The following ZNF846 variants were observed in gnomAD, a reference collection of about 807,000 sequenced individuals.
ZNF846 encodes the protein zinc finger protein 846.
In ZNF846, 15 loss-of-function variants were observed where a neutral mutation model predicts 16.0. The observed-to-expected ratio is 0.94, with a 90% confidence interval of 0.63 to 1.45. The LOEUF (loss-of-function observed/expected upper bound fraction) is 1.45, where lower values mean the gene tolerates loss of function less well. Ranked by LOEUF, ZNF846 falls within the 40% of genes most tolerant of loss-of-function variation. The pLI is 0.00. For synonymous variants in ZNF846, 229 were observed against 212.0 expected (o/e 1.08, Z -0.70); for missense variants, 714 against 622.3 (o/e 1.15, Z -1.57).
intron 1 of ZNF846, among the ~76,000 whole-genome samples, chr19:9,785,451 C>T (rs1206706544): frequency 6.6e-6 from 1 of 151,964 alleles, no homozygotes; most frequent in Non-Finnish European, 1.5e-5. Flanking sequence ...CTGCGTCAGC[C>T]TCCCAGTCTG....
intron 1 of ZNF846, among the ~76,000 whole-genome samples, chr19:9,781,780 T>A (rs2045504196): frequency 6.6e-6 from 1 of 150,498 alleles, no homozygotes. Context: ...GCAAACAATT[T>A]TTTTTTTTTT....
chr19:9,770,826 G>A (rs138180555), upstream of ZNF846, among the ~76,000 whole-genome samples: 48 of 151,870 alleles, frequency 3.2e-4, no homozygotes, highest in East Asian at 5.4e-3. Flanking sequence ...CTGAGATGGC[G>A]CCACGGCACT....
downstream of ZNF846, among the ~76,000 whole-genome samples, chr19:9,751,073 T>G (rs1165049900): frequency 1.3e-5 from 2 of 152,160 alleles, no homozygotes; most frequent in Non-Finnish European, 2.9e-5. Flanking sequence ...CCTGGCTTCT[T>G]CCAATCGTTA....
chr19:9,758,189 G>A, exon 6 of ZNF846: 5 of 1,613,038 alleles, frequency 3.1e-6, no homozygotes, highest in Non-Finnish European at 4.2e-6. Flanking sequence ...GATCAGTAAG[G>A]TATGAAGAAT....
Position 9,759,942 on chromosome 19 carries a change from T to C in ZNF846, c.230A>G (p.Glu77Gly), listed in dbSNP as rs757171998. Reference sequence around the variant, plus strand: ...TTTGGTTTTGAGTTGCAAATCCAATTCTGAAATAAAGTGAAAAATGCAGCT... The same window carrying C: ...TTTGGTTTTGAGTTGCAAATCCAATCCTGAAATAAAGTGAAAAATGCAGCT... The change falls in exon 5 of 6, where the codon GAA (glutamate) becomes GGA (glycine). Residue 77 changes from glutamate to glycine, a missense_variant and splice_region_variant. Coordinates refer to ENST00000397902, the Ensembl canonical transcript of ZNF846. The C allele has an allele frequency of 5.5e-5, 88 of 1,611,366 alleles. No individual in the cohort carries two copies. Among genetic ancestry groups the C allele is most frequent in the Non-Finnish European group, 7.2e-5 (85 of 1,178,876 alleles).
chr19:9,764,968 C>T (rs759598623), exon 2 of ZNF846: 11 of 1,614,128 alleles, frequency 6.8e-6, no homozygotes, highest in Non-Finnish European at 9.3e-6. Flanking sequence ...CCATCAGTAA[C>T]CCAGCCACTA....
At chr19:9,772,729 C>T (rs2045399397), upstream of ZNF846, among the ~76,000 whole-genome samples, 3 of 151,932 alleles carry the variant, frequency 2.0e-5, no homozygotes, top group South Asian at 4.2e-4. Context: ...AATAACTATC[C>T]CCACATGAAA....
chr19:9,779,593 C>G (rs2045480349), intron 1 of ZNF846, among the ~76,000 whole-genome samples: 1 of 129,300 alleles, frequency 7.7e-6, no homozygotes, highest in Non-Finnish European at 1.7e-5. Context: ...TTTTTGAGGC[C>G]AAGTTTCACT....
intron 1 of ZNF846, among the ~76,000 whole-genome samples, chr19:9,778,543 G>A (rs1036219567): frequency 1.8e-4 from 28 of 152,114 alleles, no homozygotes; most frequent in Non-Finnish European, 3.4e-4. Context: ...TGTGGCTCAG[G>A]CCTATAATCC....
upstream of ZNF846, among the ~76,000 whole-genome samples, chr19:9,769,031 C>G (rs1414119345): frequency 6.6e-6 from 1 of 152,222 alleles, no homozygotes; most frequent in Non-Finnish European, 1.5e-5. Flanking sequence ...TCACCTAAGG[C>G]TTCGATTGCA....
intron 1 of ZNF846, among the ~76,000 whole-genome samples, chr19:9,785,143 C>G (rs1355639558): frequency 6.6e-6 from 1 of 152,100 alleles, no homozygotes; most frequent in Non-Finnish European, 1.5e-5. Flanking sequence ...TCACAATACC[C>G]CGGCCCCATC....
chr19:9,763,186 C>T (rs1368731590), intron 3 of ZNF846, 96 bp downstream of exon 3: 7 of 1,184,934 alleles, frequency 5.9e-6, no homozygotes, highest in Admixed American at 2.6e-5. Flanking sequence ...AAGGTCCATG[C>T]CTGTCTTGCT....
chr19:9,779,774 G>T (rs2045482227), intron 1 of ZNF846, among the ~76,000 whole-genome samples: 2 of 151,830 alleles, frequency 1.3e-5, no homozygotes, highest in African/African-American at 4.8e-5. Context: ...GTTTCACCAT[G>T]TTGGCCAGGC....
At chr19:9,757,459 A>C (rs749699505), downstream of ZNF846, 6 of 1,535,590 alleles carry the variant, frequency 3.9e-6, no homozygotes, top group Non-Finnish European at 3.5e-6. Flanking sequence ...GTAAATACTA[A>C]GATCTGAGGA....
rs1260579186 is a variant in ZNF846, at chr19:9,764,785, T to C, written c.15+151A>G. On this transcript the variant is annotated intron_variant, in intron 2 of 5. Transcript: ENST00000397902. ...ATTGCAATCTCTGTACAACCTGAGATGGCTTGGTTCCTAGAGAAATTCACC... is the reference window on the plus strand; with the variant it reads ...ATTGCAATCTCTGTACAACCTGAGACGGCTTGGTTCCTAGAGAAATTCACC... 8 of 881,576 alleles carry C rather than the reference T, an allele frequency of 9.1e-6. No homozygotes were observed. The African/African-American group carries it at 9.9e-5, about 11-fold the overall frequency. 54.6% of individuals were successfully genotyped at this position (881,576 alleles called of 1,614,324 possible). A position where few individuals can be genotyped will look rare whatever the true frequency, so the allele number is the denominator to read the frequency against.
At chr19:9,776,439 A>G (rs542003020) in intron 1 of ZNF846, among the ~76,000 whole-genome samples, 1 of 152,212 alleles carries the variant, frequency 6.6e-6, no homozygotes, top group Non-Finnish European at 1.5e-5. Flanking sequence ...AAATAATGGC[A>G]TAAGCTGTCT....
At chr19:9,758,702 T>C (rs760896022) in exon 6 of ZNF846, 8 of 1,608,736 alleles carry the variant, frequency 5.0e-6, no homozygotes, top group South Asian at 1.1e-5. Context: ...GAAATGGGTG[T>C]TCATTGAAGA....
intron 1 of ZNF846, among the ~76,000 whole-genome samples, chr19:9,783,491 C>T (rs540255606): frequency 7.1e-6 from 1 of 141,592 alleles, no homozygotes; most frequent in South Asian, 2.2e-4. Context: ...AGCCACTGCC[C>T]TCCAGCCTGG....
intron 1 of ZNF846, chr19:9,774,613 TG>T (rs2145297283): frequency 6.7e-7 from 1 of 1,492,956 alleles, no homozygotes; most frequent in East Asian, 2.3e-5. Context: ...AAGGGCTTAT[TG>T]TTCCTGACAA....
Sources: allele counts gnomAD v4.1 joint callset (sites outside exome capture counted in the v4.1 genomes callset), GRCh38; gene constraint gnomAD v4.1.1; transcripts MANE v1.5; gene names NCBI Gene and HGNC (gene_info 2026-07-23, HGNC 2026-07-21).